Variants in ADGRL3 observed in about 807,000 individuals in gnomAD.
The protein encoded by ADGRL3 is calcium-independent alpha-latrotoxin receptor 3.
ADGRL3 carries 62 observed loss-of-function variants against 153.5 expected under a neutral mutation model. That is an observed-to-expected ratio of 0.40 (90% CI 0.33 to 0.50). The LOEUF (loss-of-function observed/expected upper bound fraction) is 0.50, where lower values mean the gene tolerates loss of function less well. Ranked by LOEUF, ADGRL3 falls within the 20% of genes least tolerant of loss-of-function variation. The probability of loss-of-function intolerance (pLI) is 0.47; values close to 1 mark genes in which losing one functional copy is unlikely to be tolerated. For missense variants in ADGRL3, 1,641 were observed against 1,859.4 expected, an observed-to-expected ratio of 0.88 and a Z score of 2.16; for synonymous variants, 710 against 672.5, an observed-to-expected ratio of 1.06 and a Z score of -0.86.
chr4:61,498,741 T>C (rs2098349763), intron 3 of ADGRL3, among the ~76,000 whole-genome samples: 1 of 152,188 alleles, frequency 6.6e-6, no homozygotes, highest in Non-Finnish European at 1.5e-5. Flanking sequence ...TTGCAAATTT[T>C]ATAAAATATA....
intron 5 of ADGRL3, among the ~76,000 whole-genome samples, chr4:61,653,601 C>G (rs563281703): frequency 1.3e-5 from 2 of 152,246 alleles, no homozygotes; most frequent in East Asian, 3.9e-4. Flanking sequence ...AATCAGAAAC[C>G]TGTCTTCCTC....
chr4:61,628,054 T>C (rs542438033), intron 5 of ADGRL3, among the ~76,000 whole-genome samples: 1 of 152,306 alleles, frequency 6.6e-6, no homozygotes, highest in South Asian at 2.1e-4. Context: ...ATGATACACA[T>C]TCTAATGATA....
At chr4:61,603,314 C>T (rs911862561) in intron 5 of ADGRL3, among the ~76,000 whole-genome samples, 1 of 152,114 alleles carries the variant, frequency 6.6e-6, no homozygotes, top group Non-Finnish European at 1.5e-5. Flanking sequence ...GGGCTAAATT[C>T]TGGAATCGAA....
intron 11 of ADGRL3, among the ~76,000 whole-genome samples, chr4:61,896,324 C>T (rs2098631301): frequency 6.6e-6 from 1 of 152,106 alleles, no homozygotes. Flanking sequence ...ATATGTTGAA[C>T]ATTTTTATTA....
chr4:61,327,942 A>G (rs2095497023), intron 1 of ADGRL3, among the ~76,000 whole-genome samples: 1 of 152,158 alleles, frequency 6.6e-6, no homozygotes, highest in Non-Finnish European at 1.5e-5. Context: ...GGAAATTGCT[A>G]TTAAGACTGT....
chr4:61,460,370 A>G (rs2097796285), intron 2 of ADGRL3, among the ~76,000 whole-genome samples: 1 of 152,132 alleles, frequency 6.6e-6, no homozygotes, highest in Non-Finnish European at 1.5e-5. Context: ...TCAGCCATAA[A>G]AGGGAATGAA....
intron 11 of ADGRL3, among the ~76,000 whole-genome samples, chr4:61,904,064 C>G (rs2098681661): frequency 6.6e-6 from 1 of 151,470 alleles, no homozygotes; most frequent in South Asian, 2.1e-4. Context: ...CCACCATGCC[C>G]AGCCTACAAA....
intron 9 of ADGRL3, among the ~76,000 whole-genome samples, chr4:61,877,111 A>T (rs182952280): frequency 9.6e-4 from 146 of 152,212 alleles, no homozygotes; most frequent in African/African-American, 3.3e-3. Context: ...GATGAAATCG[A>T]TGGGAGTTTT....
intron 1 of ADGRL3, among the ~76,000 whole-genome samples, chr4:61,349,712 A>G (rs576028551): frequency 2.0e-5 from 3 of 152,272 alleles, no homozygotes; most frequent in South Asian, 2.1e-4. Context: ...GTACCTTTAC[A>G]TAAAGTAAGC....
intron 21 of ADGRL3, among the ~76,000 whole-genome samples, chr4:62,015,197 T>C (rs2099205885): frequency 6.6e-6 from 1 of 152,212 alleles, no homozygotes; most frequent in Admixed American, 6.5e-5. Context: ...GCTGGTTTTC[T>C]CCACTACATA....
chr4:61,955,985 T>C (rs562847411), intron 17 of ADGRL3, among the ~76,000 whole-genome samples: 111 of 152,326 alleles, frequency 7.3e-4, no homozygotes, highest in African/African-American at 2.4e-3. Context: ...TAAATAGTGC[T>C]TCAGTAAACA....
Position 61,362,606 on chromosome 4 carries a change from G to GA in ADGRL3, c.-239-20514dup, listed in dbSNP as rs533661911. Among the ~76,000 whole-genome samples the GA allele has an allele frequency of 1.0e-3, 152 of 152,194 alleles. 1 individual carries two copies. The highest frequency in any genetic ancestry group is 1.4e-3 in the South Asian group (7 of 4,830). On this transcript the variant is annotated intron_variant, in intron 1 of 26. Coordinates refer to ENST00000683033, the MANE Select transcript of ADGRL3 (RefSeq NM_001387552.1). ...GCTGAAGAAAAGAAAGTGTTATTAAGAAAATCATATGAAAGAGATAATAAA... is the reference window on the plus strand; with the variant it reads ...GCTGAAGAAAAGAAAGTGTTATTAAGAAAAATCATATGAAAGAGATAATAAA...
intron 1 of ADGRL3, among the ~76,000 whole-genome samples, chr4:61,280,096 T>G (rs1560419815): frequency 7.7e-6 from 1 of 130,350 alleles, no homozygotes; most frequent in Admixed American, 9.8e-5. Context: ...TATTTTCTTT[T>G]CTTTTCTTTT....
At chr4:61,463,932 TGGTTCAGTAG>T (rs1484671238) in intron 2 of ADGRL3, among the ~76,000 whole-genome samples, 1 of 152,182 alleles carries the variant, frequency 6.6e-6, no homozygotes, top group Admixed American at 6.6e-5. Flanking sequence ...TTCTGCAACT[TGGTTCAGTAG>T]GGTTCAGATT....
At chr4:61,689,541 G>T (rs2151101163) in intron 6 of ADGRL3, among the ~76,000 whole-genome samples, 1 of 152,214 alleles carries the variant, frequency 6.6e-6, no homozygotes, top group African/African-American at 2.4e-5. Flanking sequence ...TGTCCATCAT[G>T]CTACTTTGTT....
intron 2 of ADGRL3, among the ~76,000 whole-genome samples, chr4:61,460,393 G>A (rs2097796628): frequency 6.6e-6 from 1 of 152,194 alleles, no homozygotes; most frequent in South Asian, 2.1e-4. Flanking sequence ...TCTGTCATTT[G>A]CAGCAACATA....
At chr4:61,462,838 A>G (rs2097840203) in intron 2 of ADGRL3, among the ~76,000 whole-genome samples, 1 of 152,122 alleles carries the variant, frequency 6.6e-6, no homozygotes, top group Non-Finnish European at 1.5e-5. Flanking sequence ...TTCTTGGCAA[A>G]AGGAAGAGAA....
chr4:61,569,408 A>G (rs2098829554), intron 4 of ADGRL3, among the ~76,000 whole-genome samples: 1 of 152,102 alleles, frequency 6.6e-6, no homozygotes, highest in African/African-American at 2.4e-5. Flanking sequence ...GGAAAGCTCT[A>G]CCTATTAGCA....
chr4:61,885,621 T>G (rs2098534151), intron 9 of ADGRL3, among the ~76,000 whole-genome samples: 1 of 152,178 alleles, frequency 6.6e-6, no homozygotes, highest in Admixed American at 6.5e-5. Context: ...AAAGCATATG[T>G]GAGCAGTATT....
Sources: allele counts gnomAD v4.1 joint callset (sites outside exome capture counted in the v4.1 genomes callset), GRCh38; gene constraint gnomAD v4.1.1; transcripts MANE v1.5; gene names NCBI Gene and HGNC (gene_info 2026-07-23, HGNC 2026-07-21).